Variants in NTM observed in about 807,000 individuals in gnomAD.
NTM encodes neurotrimin, also known as IgLON family member 2.
In NTM, 13 loss-of-function variants were observed where a neutral mutation model predicts 42.1. That is an observed-to-expected ratio of 0.31 (90% CI 0.20 to 0.49). The LOEUF is 0.49. Ranked by LOEUF, NTM falls within the 20% of genes least tolerant of loss-of-function variation. The probability of loss-of-function intolerance (pLI) is 0.99; values close to 1 mark genes in which losing one functional copy is unlikely to be tolerated. For missense variants in NTM, 373 were observed against 452.8 expected (o/e 0.82, Z 1.60); for synonymous variants, 187 against 179.2 (o/e 1.04, Z -0.35).
chr11:131,649,281 G>A (rs1479451300), intron 1 of NTM, among the ~76,000 whole-genome samples: 1 of 152,336 alleles, frequency 6.6e-6, no homozygotes, highest in East Asian at 1.9e-4. Flanking sequence ...AAAAGTTATT[G>A]CTGTGATAAT....
intron 1 of NTM, among the ~76,000 whole-genome samples, chr11:131,657,223 C>G (rs1383377726): frequency 2.0e-5 from 3 of 151,710 alleles, no homozygotes; most frequent in African/African-American, 7.3e-5. Flanking sequence ...AAGCGCTGGC[C>G]CAGTCTGAGA....
chr11:131,827,595 C>T (rs933348631), intron 1 of NTM, among the ~76,000 whole-genome samples: 2 of 152,156 alleles, frequency 1.3e-5, no homozygotes, highest in Non-Finnish European at 2.9e-5. Context: ...TTGTCCAAAA[C>T]CTGAAGCCAT....
At chr11:132,227,908 C>G (rs565509661) in intron 4 of NTM, among the ~76,000 whole-genome samples, 2 of 152,116 alleles carry the variant, frequency 1.3e-5, no homozygotes, top group South Asian at 4.1e-4. Context: ...GGACACAGAA[C>G]GATTTCTGCT....
intron 2 of NTM, among the ~76,000 whole-genome samples, chr11:131,963,092 T>A (rs2062408339): frequency 6.6e-6 from 1 of 152,152 alleles, no homozygotes; most frequent in Non-Finnish European, 1.5e-5. Context: ...CTGAAATCTG[T>A]CAGGAACTGT....
chr11:132,107,270 A>G (rs1310854693), intron 2 of NTM, among the ~76,000 whole-genome samples: 1 of 152,004 alleles, frequency 6.6e-6, no homozygotes, highest in Non-Finnish European at 1.5e-5. Context: ...AGGATTTGTA[A>G]CATCTTGAAG....
At chr11:131,535,863 T>C (rs1394156707) in intron 1 of NTM, 1 of 152,220 alleles carries the variant, frequency 6.6e-6, no homozygotes, top group African/African-American at 2.4e-5. Flanking sequence ...CGAGTGCTTA[T>C]AGAATGCTAC....
chr11:131,732,271 C>T (rs2079795031), intron 1 of NTM, among the ~76,000 whole-genome samples: 2 of 152,126 alleles, frequency 1.3e-5, no homozygotes, highest in African/African-American at 2.4e-5. Context: ...TGTAAATATT[C>T]GCTTCTCTCT....
At chr11:131,389,093 GTCCTCC>G (rs1943699422) in intron 1 of NTM, among the ~76,000 whole-genome samples, 1 of 151,496 alleles carries the variant, frequency 6.6e-6, no homozygotes, top group Admixed American at 6.6e-5. Context: ...ATGCCAGCAA[GTCCTCC>G]CTCTAGTCAA....
At chr11:131,783,220 C>A (rs561992400) in intron 1 of NTM, among the ~76,000 whole-genome samples, 1 of 152,012 alleles carries the variant, frequency 6.6e-6, no homozygotes, top group African/African-American at 2.4e-5. Flanking sequence ...ATCCTATTTA[C>A]AGGGTCATCC....
intron 1 of NTM, among the ~76,000 whole-genome samples, chr11:131,401,114 G>T (rs946326676): frequency 1.3e-5 from 2 of 151,488 alleles, no homozygotes; most frequent in Non-Finnish European, 2.9e-5. Context: ...GCAAGAGATA[G>T]ATCAAAACAC....
At chr11:132,008,591 A>G (rs1275252634) in intron 2 of NTM, among the ~76,000 whole-genome samples, 1 of 151,866 alleles carries the variant, frequency 6.6e-6, no homozygotes, top group Non-Finnish European at 1.5e-5. Flanking sequence ...GTGAGTGCTG[A>G]GGGGTTTGGA....
At chr11:132,159,113 AG>A (rs1259629710) in intron 3 of NTM, among the ~76,000 whole-genome samples, 4 of 152,300 alleles carry the variant, frequency 2.6e-5, no homozygotes, top group Non-Finnish European at 5.9e-5. Flanking sequence ...GTTTTGCAGC[AG>A]GGAGACTGAG....
Position 131,507,556 on chromosome 11 carries a change from G to A in NTM, c.82+136668G>A, listed in dbSNP as rs574970086. Among the ~76,000 whole-genome samples the A allele has an allele frequency of 5.5e-4, 83 of 151,758 alleles. No homozygotes were observed. The South Asian group carries it at 7.1e-3, about 13-fold the overall frequency. ...GTGATGCGGGCTCTTTTTTGGTTCCGTATGAACTTTAAAGTAGTTTTTTCC... is the reference window on the plus strand; with the variant it reads ...GTGATGCGGGCTCTTTTTTGGTTCCATATGAACTTTAAAGTAGTTTTTTCC... On this transcript the variant is annotated intron_variant, in intron 1 of 8. Coordinates refer to ENST00000683400, the MANE Select transcript of NTM (RefSeq NM_001352005.2).
chr11:131,501,596 G>A (rs139688778), intron 1 of NTM, among the ~76,000 whole-genome samples: 16 of 152,260 alleles, frequency 1.1e-4, no homozygotes, highest in African/African-American at 3.8e-4. Context: ...CAGGCTGGCT[G>A]CTTTTTAGAG....
chr11:131,566,552 A>T (rs1170180129), intron 1 of NTM, among the ~76,000 whole-genome samples: 1 of 152,132 alleles, frequency 6.6e-6, no homozygotes, highest in Non-Finnish European at 1.5e-5. Context: ...CGAGCCTTCC[A>T]AGGCTGACCC....
At chr11:131,464,247 G>T (rs1951676648) in intron 1 of NTM, among the ~76,000 whole-genome samples, 1 of 152,088 alleles carries the variant, frequency 6.6e-6, no homozygotes, top group African/African-American at 2.4e-5. Flanking sequence ...CTGGGAATGC[G>T]GCAGGGAGTT....
intron 3 of NTM, among the ~76,000 whole-genome samples, chr11:132,154,381 T>A (rs1174595984): frequency 6.6e-6 from 1 of 152,208 alleles, no homozygotes; most frequent in Admixed American, 6.5e-5. Context: ...TCCCAACTGG[T>A]TCTATGCTTC....
At chr11:131,664,569 C>T (rs959212164) in intron 1 of NTM, among the ~76,000 whole-genome samples, 20 of 152,116 alleles carry the variant, frequency 1.3e-4, no homozygotes, top group African/African-American at 4.3e-4. Context: ...AGCTGTCTAT[C>T]CCCAGTGCCA....
At chr11:131,572,878 C>T (rs535142887) in intron 1 of NTM, among the ~76,000 whole-genome samples, 1 of 152,276 alleles carries the variant, frequency 6.6e-6, no homozygotes, top group South Asian at 2.1e-4. Flanking sequence ...GGAGTGAGAA[C>T]GGGTTCCTGG....
Sources: gnomAD v4.1 joint callset for allele counts (sites outside exome capture counted in the v4.1 genomes callset) on GRCh38, gnomAD v4.1.1 for gene constraint, MANE v1.5 for transcripts, NCBI Gene and HGNC (gene_info 2026-07-23, HGNC 2026-07-21) for gene names.